HDAC9: variants seen among roughly 807,000 people sequenced by gnomAD.
HDAC9 encodes the protein histone deacetylase 9.
A neutral mutation model predicts 139.4 loss-of-function variants in HDAC9; 41 were observed. The observed-to-expected ratio is 0.29, with a 90% CI of 0.23 to 0.38. The LOEUF is 0.38. Among genes scored for constraint, HDAC9 ranks in the 10% least tolerant of loss-of-function variants. The pLI is 1.00. For missense variants in HDAC9, 1,147 were observed against 1,297.0 expected, an observed-to-expected ratio of 0.88 and a Z score of 1.78; for synonymous variants, 517 against 476.2, an observed-to-expected ratio of 1.09 and a Z score of -1.12.
At chr7:18,721,124 A>T (rs1785113471) in intron 12 of HDAC9, among the ~76,000 whole-genome samples, 1 of 152,174 alleles carries the variant, frequency 6.6e-6, no homozygotes, top group Non-Finnish European at 1.5e-5. Flanking sequence ...TATGACAAAC[A>T]TGCCATAAGC....
chr7:18,332,769 A>T (rs1232391851), intron 1 of HDAC9, among the ~76,000 whole-genome samples: 1 of 151,592 alleles, frequency 6.6e-6, no homozygotes, highest in African/African-American at 2.4e-5. Flanking sequence ...AGAGGATGTA[A>T]TCTTTTTTCA....
intron 17 of HDAC9, among the ~76,000 whole-genome samples, chr7:18,807,238 T>C (rs1793784057): frequency 6.6e-6 from 1 of 152,188 alleles, no homozygotes. Context: ...TTTGTTGGCA[T>C]ATAGTTATTC....
intron 12 of HDAC9, among the ~76,000 whole-genome samples, chr7:18,676,523 A>G (rs1336640587): frequency 6.6e-6 from 1 of 152,046 alleles, no homozygotes; most frequent in Non-Finnish European, 1.5e-5. Context: ...CTATATTTTT[A>G]GCATCTTAGA....
At chr7:18,354,509 G>A (rs189011034) in intron 1 of HDAC9, among the ~76,000 whole-genome samples, 176 of 152,250 alleles carry the variant, frequency 1.2e-3, no homozygotes, top group African/African-American at 3.9e-3. Flanking sequence ...GTTTAGTGGA[G>A]GTGAGTCAGC....
At chr7:18,208,127 T>C (rs747087973) in intron 2 of HDAC9, among the ~76,000 whole-genome samples, 2 of 152,190 alleles carry the variant, frequency 1.3e-5, no homozygotes, top group Non-Finnish European at 2.9e-5. Context: ...AGTAGTACTT[T>C]CGTTTCAAAG....
intron 17 of HDAC9, 131 bp downstream of exon 17, chr7:18,793,583 C>A: frequency 1.5e-6 from 1 of 685,070 alleles, no homozygotes; most frequent in South Asian, 1.6e-5. Flanking sequence ...GTAGAGATGG[C>A]CACTAAGGTG....
chr7:18,229,997 C>T (rs1478343780), intron 2 of HDAC9, among the ~76,000 whole-genome samples: 3 of 152,124 alleles, frequency 2.0e-5, no homozygotes, highest in African/African-American at 4.8e-5. Context: ...AAAATAGTGG[C>T]ATTTCCTCTA....
chr7:18,955,234 G>C (rs997846002), intron 24 of HDAC9, among the ~76,000 whole-genome samples: 1 of 152,084 alleles, frequency 6.6e-6, no homozygotes, highest in African/African-American at 2.4e-5. Context: ...CAGAGACAAA[G>C]CAGCGAAGGC....
At chr7:18,480,167 A>C (rs1435587380) in intron 1 of HDAC9, among the ~76,000 whole-genome samples, 1 of 152,096 alleles carries the variant, frequency 6.6e-6, no homozygotes, top group Non-Finnish European at 1.5e-5. Flanking sequence ...GTTGTTGATT[A>C]AATACTGTGC....
chr7:18,857,380 A>G (rs73320014), intron 21 of HDAC9, among the ~76,000 whole-genome samples: 5,291 of 119,444 alleles, frequency 0.044, 130 homozygotes, highest in African/African-American at 0.093. Context: ...TGTATGTACT[A>G]GTTCCTGGAG....
chr7:18,272,967 A>AC (rs1796461266), intron 2 of HDAC9, among the ~76,000 whole-genome samples: 1 of 112,466 alleles, frequency 8.9e-6, no homozygotes, highest in African/African-American at 3.6e-5. Flanking sequence ...TACTACTACT[A>AC]TTTCTTCCTC....
At chr7:18,812,929 A>G (rs772313489) in intron 17 of HDAC9, among the ~76,000 whole-genome samples, 3 of 151,976 alleles carry the variant, frequency 2.0e-5, no homozygotes, top group Non-Finnish European at 4.4e-5. Flanking sequence ...ACCTGCTGCT[A>G]ATATCATCCA....
intron 2 of HDAC9, among the ~76,000 whole-genome samples, chr7:18,242,148 A>G (rs1436843299): frequency 2.0e-5 from 3 of 152,164 alleles, no homozygotes; most frequent in Admixed American, 6.5e-5. Context: ...GCATTCTACC[A>G]CATTCTGACT....
intron 2 of HDAC9, among the ~76,000 whole-genome samples, chr7:18,237,762 A>G (rs1793922763): frequency 6.6e-6 from 1 of 152,220 alleles, no homozygotes; most frequent in Non-Finnish European, 1.5e-5. Flanking sequence ...AGTGTCAGGA[A>G]CTCAGATGAT....
intron 1 of HDAC9, among the ~76,000 whole-genome samples, chr7:18,467,241 G>C (rs1026836185): frequency 1.3e-5 from 2 of 152,096 alleles, no homozygotes; most frequent in African/African-American, 2.4e-5. Flanking sequence ...CAGTTATACA[G>C]ACCAGAAATG....
At chr7:18,635,699 A>G (rs1783674078) in intron 8 of HDAC9, among the ~76,000 whole-genome samples, 2 of 152,120 alleles carry the variant, frequency 1.3e-5, no homozygotes, top group South Asian at 4.1e-4. Flanking sequence ...CTTCTAATAT[A>G]TAACATACTT....
At chr7:18,137,722 A>G (rs1441838972) in intron 1 of HDAC9, among the ~76,000 whole-genome samples, 1 of 152,040 alleles carries the variant, frequency 6.6e-6, no homozygotes, top group African/African-American at 2.4e-5. Flanking sequence ...TTTTATTGAG[A>G]ATTTTTGCAT....
At chr7:18,281,999 G>T (rs1797136358) in intron 2 of HDAC9, among the ~76,000 whole-genome samples, 1 of 152,096 alleles carries the variant, frequency 6.6e-6, no homozygotes, top group African/African-American at 2.4e-5. Flanking sequence ...GACTCAATAG[G>T]ATTATGGATC....
At chr7:18,876,244 T>A (rs1030923050) in intron 22 of HDAC9, among the ~76,000 whole-genome samples, 2 of 152,170 alleles carry the variant, frequency 1.3e-5, no homozygotes, top group Non-Finnish European at 1.5e-5. Flanking sequence ...CCCATTTACA[T>A]ATATCTATTC....
Sources: gnomAD v4.1 joint callset for allele counts (sites outside exome capture counted in the v4.1 genomes callset) on GRCh38, gnomAD v4.1.1 for gene constraint, MANE v1.5 for transcripts, NCBI Gene and HGNC (gene_info 2026-07-23, HGNC 2026-07-21) for gene names.